SLC1A2: variants seen among roughly 807,000 people sequenced by gnomAD.
The protein encoded by SLC1A2 is solute carrier family 1 member 2.
SLC1A2 carries 15 observed loss-of-function variants against 48.8 expected under a neutral mutation model. That is an observed-to-expected ratio of 0.31 (90% CI 0.21 to 0.47). The LOEUF (loss-of-function observed/expected upper bound fraction) is 0.47. SLC1A2 is among the 20% of genes least tolerant of loss of function. The pLI is 0.99. For synonymous variants in SLC1A2, 279 were observed against 272.6 expected (o/e 1.02, Z -0.23); for missense variants, 502 against 730.5 (o/e 0.69, Z 3.61).
rs1462246380 is a variant in SLC1A2 at position 35,254,064 on chromosome 11, A to G, written c.*6830T>C. 1 of 152,560 alleles carries G rather than the reference A, an allele frequency of 6.6e-6. No homozygotes were observed. Among genetic ancestry groups the G allele is most frequent in the Non-Finnish European group, 1.5e-5 (1 of 68,040 alleles). 9.5% of individuals were successfully genotyped at this position (152,560 alleles called of 1,614,324 possible). On this transcript the variant is annotated 3_prime_UTR_variant, in exon 11 of 11. Transcript: ENST00000278379. Reference sequence around the variant, plus strand: ...TTTGTGGATTTAGGGTGCAATACTGATCAGAGGGCAATATATTGTCCCTGG... The same window carrying G: ...TTTGTGGATTTAGGGTGCAATACTGGTCAGAGGGCAATATATTGTCCCTGG...
chr11:35,381,770 A>G (rs1174158174), intron 1 of SLC1A2, among the ~76,000 whole-genome samples: 2 of 152,204 alleles, frequency 1.3e-5, no homozygotes, highest in East Asian at 3.8e-4. Context: ...GTACTTCAGG[A>G]AAACAAAGGG....
intron 5 of SLC1A2, among the ~76,000 whole-genome samples, chr11:35,302,248 G>A (rs926253167): frequency 3.9e-5 from 6 of 152,076 alleles, no homozygotes; most frequent in African/African-American, 1.2e-4. Context: ...TAAGGAATCC[G>A]AAATTCCATT....
intron 1 of SLC1A2, among the ~76,000 whole-genome samples, chr11:35,340,630 C>T (rs745773546): frequency 2.0e-5 from 3 of 152,138 alleles, no homozygotes; most frequent in South Asian, 2.1e-4. Context: ...AAGATTGTAG[C>T]GTAAATTAGA....
chr11:35,289,215 G>GCC (rs1335310192), intron 7 of SLC1A2, among the ~76,000 whole-genome samples: 4 of 152,178 alleles, frequency 2.6e-5, no homozygotes, highest in Non-Finnish European at 4.4e-5. Context: ...ATTGAGAAAA[G>GCC]ATGTTCAACT....
chr11:35,318,740 A>G (rs1851961978), intron 1 of SLC1A2, among the ~76,000 whole-genome samples: 3 of 152,196 alleles, frequency 2.0e-5, no homozygotes, highest in Admixed American at 6.5e-5. Flanking sequence ...AAACAAAAAT[A>G]TGCTAGCATA....
intron 1 of SLC1A2, among the ~76,000 whole-genome samples, chr11:35,383,276 C>G (rs967191241): frequency 6.6e-6 from 1 of 152,102 alleles, no homozygotes; most frequent in Non-Finnish European, 1.5e-5. Context: ...GTAATGGGAC[C>G]TGGGTAAATT....
At chr11:35,413,456 T>TA (rs1855524120) in intron 1 of SLC1A2, among the ~76,000 whole-genome samples, 1 of 152,198 alleles carries the variant, frequency 6.6e-6, no homozygotes, top group African/African-American at 2.4e-5. Context: ...AATAAATTGA[T>TA]ACACATTAAA....
chr11:35,289,442 AC>A (rs1393165831), intron 7 of SLC1A2, among the ~76,000 whole-genome samples: 1 of 139,650 alleles, frequency 7.2e-6, no homozygotes, highest in Non-Finnish European at 1.6e-5. Flanking sequence ...GATTAAAACC[AC>A]TTTTTTTTTT....
chr11:35,274,500 G>A (rs74746345), intron 9 of SLC1A2, among the ~76,000 whole-genome samples: 8 of 152,178 alleles, frequency 5.3e-5, no homozygotes, highest in Admixed American at 3.3e-4. Context: ...CAAAGAAAAG[G>A]TTAACGTAGG....
At chr11:35,314,959 GTTAA>G in intron 3 of SLC1A2, 60 bp downstream of exon 3, 1 of 1,196,722 alleles carries the variant, frequency 8.4e-7, no homozygotes, top group Non-Finnish European at 1.2e-6. Context: ...AGATTCTACA[GTTAA>G]TTAAAAGCCA....
At chr11:35,353,178 G>GT (rs1272776425) in intron 1 of SLC1A2, among the ~76,000 whole-genome samples, 7 of 152,158 alleles carry the variant, frequency 4.6e-5, no homozygotes, top group African/African-American at 7.2e-5. Context: ...AACTAAGGGT[G>GT]ACTTAGAATG....
intron 1 of SLC1A2, among the ~76,000 whole-genome samples, chr11:35,334,024 T>C (rs116774884): frequency 0.023 from 3,432 of 152,144 alleles, 114 homozygotes; most frequent in African/African-American, 0.078. Flanking sequence ...AGTATTATTA[T>C]TGAAAGTTAC....
chr11:35,417,208 G>A (rs1855635921), intron 1 of SLC1A2, among the ~76,000 whole-genome samples: 1 of 152,192 alleles, frequency 6.6e-6, no homozygotes. Flanking sequence ...AATTGGATGG[G>A]AATCTTTCTA....
At chr11:35,396,571 A>G (rs1415903848) in intron 1 of SLC1A2, among the ~76,000 whole-genome samples, 2 of 150,810 alleles carry the variant, frequency 1.3e-5, no homozygotes, top group African/African-American at 4.9e-5. Context: ...TAGATTCTGG[A>G]TATTAGCCCT....
At position 35,253,752 on chromosome 11, in the gene SLC1A2, ACTT is replaced by A. The variant is rs1708716031; in HGVS notation, c.*7139_*7141del. On this transcript the variant is annotated 3_prime_UTR_variant, in exon 11 of 11. Coordinates refer to ENST00000278379, the MANE Select transcript of SLC1A2 (RefSeq NM_004171.4). ...TTGGTAGCTCTAAATTGCTGAAGAA[ACTT>A]CTTGTGCTCTAATTAGTTATAATTC... The A allele has an allele frequency of 6.6e-6, 1 of 152,598 alleles. No homozygotes were observed. Among genetic ancestry groups the A allele is most frequent in the Non-Finnish European group, 1.5e-5 (1 of 68,024 alleles). 9.5% of individuals were successfully genotyped at this position (152,598 alleles called of 1,614,324 possible).
At chr11:35,267,761 T>C (rs184243993) in intron 9 of SLC1A2, among the ~76,000 whole-genome samples, 1 of 140,598 alleles carries the variant, frequency 7.1e-6, no homozygotes, top group East Asian at 2.1e-4. Context: ...CCCAATTTAC[T>C]ATGTCAAATG....
intron 1 of SLC1A2, among the ~76,000 whole-genome samples, chr11:35,326,526 C>A (rs1314378649): frequency 6.6e-6 from 1 of 152,192 alleles, no homozygotes; most frequent in Non-Finnish European, 1.5e-5. Flanking sequence ...GTGCTGTATA[C>A]CTTAGCCAGG....
At chr11:35,328,619 C>G (rs914262928) in intron 1 of SLC1A2, among the ~76,000 whole-genome samples, 1 of 152,212 alleles carries the variant, frequency 6.6e-6, no homozygotes. Context: ...ACTCTCCCTC[C>G]AGCCCGAGAA....
chr11:35,379,119 C>T (rs1013376204), intron 1 of SLC1A2, among the ~76,000 whole-genome samples: 2 of 152,080 alleles, frequency 1.3e-5, no homozygotes, highest in African/African-American at 2.4e-5. Flanking sequence ...ATCCCAGCTA[C>T]TCAGGAGGCT....
Sources: allele counts gnomAD v4.1 joint callset (sites outside exome capture counted in the v4.1 genomes callset), GRCh38; gene constraint gnomAD v4.1.1; transcripts MANE v1.5; gene names NCBI Gene and HGNC (gene_info 2026-07-23, HGNC 2026-07-21).